EBPL: variants seen among roughly 807,000 people sequenced by gnomAD.
EBPL encodes the protein emopamil-binding protein-like.
Under a neutral mutation model 19.0 loss-of-function variants are expected in EBPL, and 20 were observed. The observed-to-expected ratio is 1.05, with a 90% CI of 0.74 to 1.53. The LOEUF is 1.53. Ranked by LOEUF, EBPL falls within the 40% of genes most tolerant of loss-of-function variation. EBPL has a pLI of 0.00. For missense variants in EBPL, 219 were observed against 261.1 expected, an observed-to-expected ratio of 0.84 and a Z score of 1.11; for synonymous variants, 107 against 117.0, an observed-to-expected ratio of 0.91 and a Z score of 0.55.
chr13:49,661,233 A>G, intron 3 of EBPL, 25 bp from the exon 4 acceptor site: 1 of 1,582,268 alleles, frequency 6.3e-7, no homozygotes, highest in Non-Finnish European at 8.7e-7. Context: ...GAAGCCCGGG[A>G]TGAACCACCA....
Position 49,663,084 on chromosome 13 carries a change from T to A in EBPL, c.353A>T (p.Tyr118Phe). 6.2e-7 allele frequency: 1 copy of A among 1,614,134 alleles called. No homozygotes were observed. The highest frequency in any genetic ancestry group is 8.5e-7 in the Non-Finnish European group (1 of 1,180,026). ...GTAATATTTTTCTTTGACTATGGCA[T>A]AAATGAGGAACAATGCCAGAGACCC... The part of the protein sequence containing the change: ...LDGSLALFLI[Y>F]AIVKEKYYRH... The change falls in exon 3 of 4, where the codon TAT becomes TTT. Residue 118 changes from tyrosine to phenylalanine, a missense_variant. Transcript: ENST00000242827.
chr13:49,678,106 G>A (rs1248289840), intron 1 of EBPL, among the ~76,000 whole-genome samples: 1 of 152,200 alleles, frequency 6.6e-6, no homozygotes, highest in African/African-American at 2.4e-5. Context: ...CTGCTGATTG[G>A]TCCATTTTAC....
rs115532287 is a variant in EBPL at position 49,670,869 on chromosome 13, G to A, written c.172-1023C>T. ...TATGACAGCCTCTACCAGGCTCCCC[G>A]CACCCTGTTCCCAACTCTCAATTTC... On this transcript the variant is annotated intron_variant, in intron 1 of 3. Coordinates refer to ENST00000242827, the MANE Select transcript of EBPL (RefSeq NM_032565.5). 4.3e-3 allele frequency among the ~76,000 whole-genome samples: 656 copies of A among 152,248 alleles called. 6 individuals carry two copies. The highest frequency in any genetic ancestry group is 0.015 in the African/African-American group (621 of 41,548).
At position 49,669,848 on chromosome 13, in the gene EBPL, T is replaced by C. The variant is rs1457192167; in HGVS notation, c.172-2A>G. The C allele has an allele frequency of 3.7e-6, 6 of 1,612,262 alleles. No homozygotes were observed. The Admixed American group carries it at 1.0e-4, about 27-fold the overall frequency. On this transcript the variant is annotated splice_acceptor_variant, in intron 1 of 3. Coordinates refer to ENST00000242827, the MANE Select transcript of EBPL (RefSeq NM_032565.5). LOFTEE classifies it high-confidence loss of function. ...AGACAAGTAGACAAAAGGGCCTTCC[T>C]AGAGAGGAGAAAATGAAGACATGCT...
chr13:49,669,682 A>G (rs983946283), intron 2 of EBPL, 95 bp downstream of exon 2: 3 of 1,066,686 alleles, frequency 2.8e-6, no homozygotes, highest in Non-Finnish European at 4.3e-6. Flanking sequence ...TTTCATATAA[A>G]TGAAGTCATA....
chr13:49,686,690 T>C, intron 1 of EBPL: 1 of 1,190,804 alleles, frequency 8.4e-7, no homozygotes, highest in African/African-American at 1.6e-5. Context: ...TACCTGGGGC[T>C]TCGTGCTATC....
Position 49,691,421 on chromosome 13 carries a change from C to T in EBPL, c.4G>A (p.Gly2Ser). M[G>S]AEWELGAEAG... ...TCGGCCCCCAGCTCCCACTCAGCGC[C>T]CATGCTTCAGGCTTCCGACGCCAAC... The change falls in exon 1 of 4, where the codon GGC (glycine) becomes AGC (serine). Residue 2 changes from glycine (G) to serine (S), a missense_variant. Coordinates refer to ENST00000242827, the MANE Select transcript of EBPL (RefSeq NM_032565.5). 1 of 1,341,096 alleles carries T rather than the reference C, an allele frequency of 7.5e-7. No homozygotes were observed. The highest frequency in any genetic ancestry group is 9.5e-7 in the Non-Finnish European group (1 of 1,047,940). 83.1% of individuals were successfully genotyped at this position (1,341,096 alleles called of 1,614,324 possible). A position where few individuals can be genotyped will look rare whatever the true frequency, so the allele number is the denominator to read the frequency against.
At chr13:49,671,685 C>A (rs1010526132) in intron 1 of EBPL, among the ~76,000 whole-genome samples, 2 of 152,168 alleles carry the variant, frequency 1.3e-5, no homozygotes, top group Non-Finnish European at 2.9e-5. Flanking sequence ...TGGATTTGAC[C>A]CTCTCTAGGC....
rs773133374 is a variant in EBPL, at chr13:49,684,653, C to T, written c.171+6601G>A. Among the ~76,000 whole-genome samples the T allele has an allele frequency of 3.8e-4, 58 of 151,988 alleles. 1 individual carries two copies. Among genetic ancestry groups the T allele is most frequent in the Admixed American group, 1.2e-3 (19 of 15,276 alleles). ...TCGCGCCACTGCACTCCAGCCTGGGCGAACAGAGTGAGACTGTCTCAAAAA... is the reference window on the plus strand; with the variant it reads ...TCGCGCCACTGCACTCCAGCCTGGGTGAACAGAGTGAGACTGTCTCAAAAA... On this transcript the variant is annotated intron_variant, in intron 1 of 3. Coordinates refer to ENST00000242827, the MANE Select transcript of EBPL (RefSeq NM_032565.5).
chr13:49,668,767 G>A (rs1417493924), intron 2 of EBPL, among the ~76,000 whole-genome samples: 1 of 151,936 alleles, frequency 6.6e-6, no homozygotes, highest in African/African-American at 2.4e-5. Flanking sequence ...TTTTGGAAAG[G>A]ATCTACAAGA....
At chr13:49,691,179 C>A in intron 1 of EBPL, 75 bp downstream of exon 1, 1 of 1,210,004 alleles carries the variant, frequency 8.3e-7, no homozygotes, top group Non-Finnish European at 1.0e-6. Flanking sequence ...GCCGCAGGAC[C>A]CCCTCACCCC....
At chr13:49,661,626 C>A (rs1965149929) in intron 3 of EBPL, among the ~76,000 whole-genome samples, 1 of 152,044 alleles carries the variant, frequency 6.6e-6, no homozygotes, top group South Asian at 2.1e-4. Context: ...GATAAAGGGC[C>A]AAGCGATGGG....
At chr13:49,683,226 C>A (rs61959934) in intron 1 of EBPL, among the ~76,000 whole-genome samples, 95,191 of 151,672 alleles carry the variant, frequency 0.63, 31,756 homozygotes, top group East Asian at 0.77. Flanking sequence ...CCGCCCGCCT[C>A]AGCCTCCCAA....
rs1450453783 is a variant in EBPL, at chr13:49,691,253, C to G, written c.171+1G>C. ...TGCAGGGTCTAGGCGATGGCACTTA[C>G]CAGCGCGAAGTGCACCAGCGCGTCG... On this transcript the variant is annotated splice_donor_variant, in intron 1 of 3. Transcript: ENST00000242827. LOFTEE classifies it high-confidence loss of function. 1 of 1,386,184 alleles carries G rather than the reference C, an allele frequency of 7.2e-7. No homozygotes were observed. Among genetic ancestry groups the G allele is most frequent in the South Asian group, 2.0e-5 (1 of 51,138 alleles). 85.9% of individuals were successfully genotyped at this position (1,386,184 alleles called of 1,614,324 possible). A position where few individuals can be genotyped will look rare whatever the true frequency, so the allele number is the denominator to read the frequency against.
intron 1 of EBPL, among the ~76,000 whole-genome samples, chr13:49,679,500 A>G (rs1228842142): frequency 6.6e-6 from 1 of 152,156 alleles, no homozygotes; most frequent in Non-Finnish European, 1.5e-5. Flanking sequence ...AAAAGCAAGT[A>G]CAACAGATTG....
At chr13:49,688,337 C>T (rs914127095) in intron 1 of EBPL, among the ~76,000 whole-genome samples, 7 of 152,024 alleles carry the variant, frequency 4.6e-5, no homozygotes, top group Non-Finnish European at 7.4e-5. Flanking sequence ...ATGAACTGCC[C>T]CTGGGAATGC....
intron 2 of EBPL, chr13:49,668,553 GA>G (rs566971046): frequency 2.9e-5 from 11 of 377,960 alleles, no homozygotes; most frequent in African/African-American, 2.5e-4. Context: ...CAGCCTGGGG[GA>G]CAGAGCGAGA....
intron 1 of EBPL, among the ~76,000 whole-genome samples, chr13:49,678,180 C>T (rs1033454275): frequency 6.6e-6 from 1 of 152,234 alleles, no homozygotes; most frequent in Admixed American, 6.5e-5. Flanking sequence ...TTGAGCTAGA[C>T]ACAGAATGCT....
rs1467274239 is a variant in EBPL at position 49,691,363 on chromosome 13, A to C, written c.62T>G (p.Leu21Arg). ...AGGSLLLCAALLAAGCALGLR... is the reference protein window; with the variant it reads ...AGGSLLLCAARLAAGCALGLR... ...GCCCAGGGCGCAGCCCGCCGCCAGC[A>C]GCGCGGCGCACAGCAGCAGCGAACC... The change falls in exon 1 of 4, where the codon CTG becomes CGG. Residue 21 changes from leucine to arginine, a missense_variant. Physicochemically the swap from Leu to Arg is moderately radical, Grantham distance 102 (BLOSUM62 -2). Around this residue, in one of 2 missense-constraint regions of EBPL, gnomAD observed 170 missense variants for 167.0 expected, o/e 1.02. Transcript: ENST00000242827. The C allele has an allele frequency of 1.5e-6, 2 of 1,362,694 alleles. No homozygotes were observed. The highest frequency in any genetic ancestry group is 1.9e-6 in the Non-Finnish European group (2 of 1,054,782). The allele number at this position is 1,362,694 out of a possible 1,614,324, so 84.4% of individuals were successfully genotyped here.
Sources: gnomAD v4.1 joint callset for allele counts (sites outside exome capture counted in the v4.1 genomes callset) on GRCh38, gnomAD v4.1.1 for gene constraint, gnomAD v4.1.1 regional missense constraint, MANE v1.5 for transcripts, NCBI Gene and HGNC (gene_info 2026-07-23, HGNC 2026-07-21) for gene names.